The following MAST2 variants were observed in gnomAD, a reference collection of about 807,000 sequenced individuals.
MAST2 encodes the protein microtubule associated serine/threonine kinase 2.
A neutral mutation model predicts 147.4 loss-of-function variants in MAST2; 70 were observed. That is an observed-to-expected ratio of 0.47 (90% CI 0.39 to 0.58). The LOEUF is 0.58. MAST2 is among the 20% of genes least tolerant of loss of function. MAST2 has a pLI of 0.00. For synonymous variants in MAST2, 869 were observed against 896.8 expected, an observed-to-expected ratio of 0.97 and a Z score of 0.55; for missense variants, 2,080 against 2,302.3, an observed-to-expected ratio of 0.90 and a Z score of 1.98.
At chr1:45,930,391 T>TTTTTGTTTTGTTTTGTTTTGTTTTG (rs59192448) in intron 4 of MAST2, among the ~76,000 whole-genome samples, 15 of 147,164 alleles carry the variant, frequency 1.0e-4, no homozygotes, top group South Asian at 4.4e-4. Flanking sequence ...TTTTTTGTTT[T>TTTTTGTTTTGTTTTGTTTTGTTTTG]TTTTGTTTTG....
rs1405785611 is a variant in MAST2 at position 46,031,685 on chromosome 1, T to G, written c.3187+100T>G. 1.2e-5 allele frequency: 13 copies of G among 1,128,022 alleles called. No individual in the cohort carries two copies. The East Asian group carries it at 2.6e-4, about 22-fold the overall frequency. The allele number at this position is 1,128,022 out of a possible 1,614,324, so 69.9% of individuals were successfully genotyped here. A position where few individuals can be genotyped will look rare whatever the true frequency, so the allele number is the denominator to read the frequency against. On this transcript the variant is annotated intron_variant, in intron 24 of 28. Coordinates refer to ENST00000361297, the MANE Select transcript of MAST2 (RefSeq NM_015112.3). The surrounding 1 kb of genome is among the most constrained non-coding windows in gnomAD (Gnocchi z 4.1). ...ACGTGGCAGGTGTGTGTGTGTGTGT[T>G]AAGCACAGATCTGACTGTGGTCTCT...
chr1:45,887,005 T>A (rs1647123763), intron 4 of MAST2, among the ~76,000 whole-genome samples: 1 of 152,140 alleles, frequency 6.6e-6, no homozygotes, highest in Non-Finnish European at 1.5e-5. Context: ...TTTTTGTATT[T>A]TTTGTAGAGA....
intron 4 of MAST2, among the ~76,000 whole-genome samples, chr1:45,955,978 A>G (rs1439111525): frequency 6.6e-6 from 1 of 152,208 alleles, no homozygotes; most frequent in Non-Finnish European, 1.5e-5. Context: ...GAACAGATCT[A>G]TAACTCTCAG....
intron 4 of MAST2, among the ~76,000 whole-genome samples, chr1:45,888,358 TTTTTA>T (rs1055983041): frequency 5.9e-5 from 9 of 152,262 alleles, no homozygotes; most frequent in African/African-American, 1.7e-4. Context: ...TCTGTCTTTA[TTTTTA>T]TTTTATTTTA....
intron 1 of MAST2, among the ~76,000 whole-genome samples, chr1:45,823,169 C>T (rs1644688177): frequency 6.6e-6 from 1 of 151,290 alleles, no homozygotes; most frequent in South Asian, 2.1e-4. Flanking sequence ...TTTGAACTCA[C>T]TAATCACAAT....
rs187023121 is a variant in MAST2 at position 45,916,477 on chromosome 1, G to A, written c.500+34082G>A. 3.5e-3 allele frequency among the ~76,000 whole-genome samples: 540 copies of A among 152,150 alleles called. 3 individuals carry two copies. The highest frequency in any genetic ancestry group is 0.012 in the African/African-American group (505 of 41,504). On this transcript the variant is annotated intron_variant, in intron 4 of 28. Transcript: ENST00000361297. ...CTTATTTATTTAATAATCTTCGATA[G>A]GACTTAACATATCAAAATGGCTAGA...
chr1:45,813,730 G>A (rs1391201640), intron 1 of MAST2, among the ~76,000 whole-genome samples: 3 of 151,766 alleles, frequency 2.0e-5, no homozygotes, highest in Non-Finnish European at 4.4e-5. Flanking sequence ...AACTTCTGAC[G>A]TCAGGTGAGC....
At position 46,029,668 on chromosome 1, in the gene MAST2, T is replaced by C. The variant is rs991932923; in HGVS notation, c.2320+101T>C. ...TCAGGCTTCGGTTACGGGCAGCCCC[T>C]CTGGATCCTGAAACTCTGCCCTGCT... On this transcript the variant is annotated intron_variant, in intron 19 of 28. Transcript: ENST00000361297. 6.8e-5 allele frequency: 94 copies of C among 1,376,178 alleles called. No individual in the cohort carries two copies. In the South Asian group the frequency reaches 1.2e-3, roughly 18 times the overall value. The allele number at this position is 1,376,178 out of a possible 1,614,324, so 85.2% of individuals were successfully genotyped here.
chr1:46,034,533 C>T lies in MAST2; in HGVS notation c.3869-5C>T. Reference sequence around the variant, plus strand: ...GTCTGTCTGTCTGTCTGTCTCTGTACAAAGTGGGAGGGAATTCATCACAGA... The same window carrying T: ...GTCTGTCTGTCTGTCTGTCTCTGTATAAAGTGGGAGGGAATTCATCACAGA... On this transcript the variant is annotated splice_region_variant and splice_polypyrimidine_tract_variant and intron_variant, in intron 28 of 28. Coordinates refer to ENST00000361297, the MANE Select transcript of MAST2 (RefSeq NM_015112.3). The T allele has an allele frequency of 6.2e-7, 1 of 1,611,120 alleles. No homozygotes were observed. The highest frequency in any genetic ancestry group is 1.1e-5 in the South Asian group (1 of 90,496).
In MAST2 at chr1:46,034,950, G is replaced by A; in HGVS notation, c.4281G>A (p.Lys1427=). Residue 1427 remains lysine, a synonymous_variant, in exon 29 of 29, where the codon AAG becomes AAA. Coordinates refer to ENST00000361297, the MANE Select transcript of MAST2 (RefSeq NM_015112.3). ...AGAAGAAGCTAGCCACTTCTCGCAA[G>A]CACAGCCTTGACCTGCCCCACTCTG... The part of the protein sequence containing the change: ...ASEKKLATSR[K]HSLDLPHSEL... 1 of 1,614,144 alleles carries A rather than the reference G, an allele frequency of 6.2e-7. No individual in the cohort carries two copies. The highest frequency in any genetic ancestry group is 2.2e-5 in the East Asian group (1 of 44,878).
intron 4 of MAST2, among the ~76,000 whole-genome samples, chr1:45,905,240 C>T (rs538147949): frequency 1.5e-4 from 23 of 149,090 alleles, no homozygotes; most frequent in African/African-American, 5.7e-4. Flanking sequence ...GCAGTGGCAC[C>T]ATCTCAGCTC....
In MAST2 at chr1:46,030,732, C is replaced by A; in HGVS notation, c.2679C>A (p.Asp893Glu). The A allele has an allele frequency of 6.3e-7, 1 of 1,594,500 alleles. No individual in the cohort carries two copies. Among genetic ancestry groups the A allele is most frequent in the Middle Eastern group, 1.7e-4 (1 of 5,976 alleles). The change falls in exon 22 of 29, where the codon GAC (aspartate) becomes GAA (glutamate). Residue 893 changes from aspartate (D) to glutamate (E), a missense_variant. Physicochemically the swap from Asp to Glu is conservative, Grantham distance 45. Coordinates refer to ENST00000361297, the MANE Select transcript of MAST2 (RefSeq NM_015112.3). ...SDGLAGLKGR[D>E]RSWVIGSPEI... ...GCCTGGCAGGGCTCAAAGGCCGAGA[C>A]CGGAGCTGGGTGATTGGCTCCCCTG...
intron 4 of MAST2, among the ~76,000 whole-genome samples, chr1:45,898,610 C>T (rs569046115): frequency 1.2e-4 from 19 of 152,206 alleles, no homozygotes; most frequent in Admixed American, 7.2e-4. Flanking sequence ...CTGTCAAGAC[C>T]CCTTTGTAGC....
intron 3 of MAST2, among the ~76,000 whole-genome samples, chr1:45,830,918 C>T (rs977577288): frequency 2.0e-5 from 3 of 151,298 alleles, no homozygotes; most frequent in Non-Finnish European, 4.4e-5. Flanking sequence ...TGCCTGTAGT[C>T]CCAGCTACTC....
At chr1:45,821,462 G>T (rs1398804502) in intron 1 of MAST2, among the ~76,000 whole-genome samples, 1 of 148,740 alleles carries the variant, frequency 6.7e-6, no homozygotes, top group Non-Finnish European at 1.5e-5. Context: ...CTTCTTGGAT[G>T]TGTAGATTTG....
intron 4 of MAST2, among the ~76,000 whole-genome samples, chr1:45,944,063 T>C (rs1657699027): frequency 6.6e-6 from 1 of 152,226 alleles, no homozygotes. Context: ...GAACCTGCTC[T>C]TGGGGTCTCA....
intron 5 of MAST2, among the ~76,000 whole-genome samples, chr1:45,990,316 T>G (rs1056297248): frequency 5.9e-5 from 9 of 152,234 alleles, no homozygotes; most frequent in African/African-American, 2.2e-4. Context: ...TCTTTTTATA[T>G]ACTTGTTTGC....
At chr1:45,845,745 C>G (rs923124342) in intron 3 of MAST2, among the ~76,000 whole-genome samples, 2 of 152,106 alleles carry the variant, frequency 1.3e-5, no homozygotes, top group African/African-American at 4.8e-5. Flanking sequence ...TTAAAAGGAG[C>G]TAAACTGAAA....
intron 10 of MAST2, among the ~76,000 whole-genome samples, chr1:46,012,135 T>C (rs1265609020): frequency 6.6e-6 from 1 of 152,208 alleles, no homozygotes; most frequent in African/African-American, 2.4e-5. Flanking sequence ...TTTGTTTCTG[T>C]TCAAGAAAAG....
Sources: allele counts gnomAD v4.1 joint callset (sites outside exome capture counted in the v4.1 genomes callset), GRCh38; gene constraint gnomAD v4.1.1; non-coding constraint Gnocchi (gnomAD v3.1); transcripts MANE v1.5; gene names NCBI Gene and HGNC (gene_info 2026-07-23, HGNC 2026-07-21).